The following RPS6KC1 variants were observed in gnomAD, a reference collection of about 807,000 sequenced individuals.
RPS6KC1 encodes ribosomal protein S6 kinase C1, also known as inactive ribosomal protein S6 kinase delta-1.
Under a neutral mutation model 103.8 loss-of-function variants are expected in RPS6KC1, and 54 were observed. The ratio of observed to expected loss-of-function variants is 0.52; its 90% confidence interval spans 0.42 to 0.65. The LOEUF (loss-of-function observed/expected upper bound fraction) is 0.65. RPS6KC1 is among the 30% of genes least tolerant of loss of function. The pLI is 0.00. For missense variants in RPS6KC1, 1,151 were observed against 1,253.8 expected (o/e 0.92, Z 1.24); for synonymous variants, 439 against 438.7 (o/e 1.00, Z -0.01).
chr1:213,402,717 A>T, the RPS6KC1 span, among the ~76,000 whole-genome samples: 3 of 152,132 alleles, frequency 2.0e-5, no homozygotes, highest in East Asian at 5.8e-4. Context: ...GAATGGATTG[A>T]TTCAATGGGT....
At chr1:213,431,013 G>T in the RPS6KC1 span, among the ~76,000 whole-genome samples, 9 of 152,202 alleles carry the variant, frequency 5.9e-5, no homozygotes, top group Non-Finnish European at 1.2e-4. Context: ...AAATGGGTTG[G>T]GGGTGGGGGA....
chr1:213,431,944 C>T, the RPS6KC1 span, among the ~76,000 whole-genome samples: 1 of 152,080 alleles, frequency 6.6e-6, no homozygotes, highest in African/African-American at 2.4e-5. Context: ...ATTCCAGCTG[C>T]TCCACACCCT....
the RPS6KC1 span, among the ~76,000 whole-genome samples, chr1:213,668,416 C>T: frequency 7.0e-6 from 1 of 143,512 alleles, no homozygotes; most frequent in Admixed American, 7.0e-5. Flanking sequence ...CCCCCACCCC[C>T]ACCCCGAGGA....
the RPS6KC1 span, among the ~76,000 whole-genome samples, chr1:213,357,896 C>T: frequency 6.6e-6 from 1 of 152,078 alleles, no homozygotes; most frequent in East Asian, 1.9e-4. Context: ...GAGGTGGTAC[C>T]GCTTGGCATG....
the RPS6KC1 span, among the ~76,000 whole-genome samples, chr1:213,800,130 G>A: frequency 1.3e-5 from 2 of 152,164 alleles, no homozygotes; most frequent in South Asian, 2.1e-4. Context: ...CACATAGGGG[G>A]TTAGGGTTTC....
chr1:213,094,388 C>CT (rs548484572), intron 3 of RPS6KC1, among the ~76,000 whole-genome samples: 2,298 of 145,444 alleles, frequency 0.016, 66 homozygotes, highest in East Asian at 0.078. Flanking sequence ...TCCTTTTTAG[C>CT]TTTTTTTTTT....
chr1:213,140,801 G>A (rs776047412), intron 6 of RPS6KC1, among the ~76,000 whole-genome samples: 4 of 149,162 alleles, frequency 2.7e-5, no homozygotes, highest in Admixed American at 6.7e-5. Flanking sequence ...AAATGTTTTG[G>A]TATCAGAATT....
the RPS6KC1 span, among the ~76,000 whole-genome samples, chr1:213,543,339 A>G: frequency 1.3e-5 from 2 of 152,296 alleles, no homozygotes; most frequent in East Asian, 3.9e-4. Flanking sequence ...TGCTAAACAA[A>G]GGTAGAGGCA....
At chr1:213,599,523 G>T in the RPS6KC1 span, among the ~76,000 whole-genome samples, 1 of 152,188 alleles carries the variant, frequency 6.6e-6, no homozygotes, top group Admixed American at 6.5e-5. Flanking sequence ...TCCAAACAGT[G>T]GGGGGAAAAT....
chr1:213,111,439 C>T (rs1316471849), intron 4 of RPS6KC1, among the ~76,000 whole-genome samples: 3 of 152,136 alleles, frequency 2.0e-5, no homozygotes, highest in African/African-American at 7.2e-5. Context: ...CTACATCCCT[C>T]TAGTTCCTGT....
rs138527600 is a variant in RPS6KC1, at chr1:213,139,894, T to C, written c.835+10005T>C. On this transcript the variant is annotated intron_variant, in intron 6 of 14. Transcript: ENST00000366960. Reference sequence around the variant, plus strand: ...TTCTGTGAAAAAATGTCATTAATAGTTTGATAGGAATAGCATTGAATCTGT... The same window carrying C: ...TTCTGTGAAAAAATGTCATTAATAGCTTGATAGGAATAGCATTGAATCTGT... Among the ~76,000 whole-genome samples, 497 of 152,210 alleles carry C rather than the reference T, an allele frequency of 3.3e-3. 6 individuals carry two copies. Among genetic ancestry groups the C allele is most frequent in the African/African-American group, 0.011 (472 of 41,558 alleles).
chr1:213,243,224 C>T (rs2094394544), intron 12 of RPS6KC1, among the ~76,000 whole-genome samples: 2 of 152,072 alleles, frequency 1.3e-5, no homozygotes, highest in African/African-American at 4.8e-5. Context: ...TGGTCTAGAA[C>T]TCCTGGGCTC....
At chr1:213,607,728 A>ACACACAC in the RPS6KC1 span, among the ~76,000 whole-genome samples, 4 of 86,830 alleles carry the variant, frequency 4.6e-5, no homozygotes, top group Non-Finnish European at 2.7e-5. Flanking sequence ...CACACACACA[A>ACACACAC]AATAAATAAA....
chr1:213,137,799 A>ATATATATATAT (rs1572765998), intron 6 of RPS6KC1, among the ~76,000 whole-genome samples: 1 of 13,996 alleles, frequency 7.1e-5, no homozygotes, highest in Non-Finnish European at 1.6e-4. Context: ...ATATATATAT[A>ATATATATATAT]TTTTTTTTTT....
At chr1:213,811,684 A>G in the RPS6KC1 span, among the ~76,000 whole-genome samples, 1 of 152,234 alleles carries the variant, frequency 6.6e-6, no homozygotes. Context: ...TTCTGGAGAC[A>G]GGAAAGTTCC....
At chr1:213,725,865 T>TC in the RPS6KC1 span, among the ~76,000 whole-genome samples, 1 of 152,242 alleles carries the variant, frequency 6.6e-6, no homozygotes, top group Non-Finnish European at 1.5e-5. Context: ...TGAACACTAA[T>TC]CCCTTGCTGA....
chr1:213,188,213 TG>T (rs1396310535), intron 8 of RPS6KC1, among the ~76,000 whole-genome samples: 1 of 152,012 alleles, frequency 6.6e-6, no homozygotes, highest in Non-Finnish European at 1.5e-5. Flanking sequence ...TGGATTAAGG[TG>T]GGGACAAGTC....
the RPS6KC1 span, among the ~76,000 whole-genome samples, chr1:213,665,092 C>T: frequency 6.6e-6 from 1 of 151,788 alleles, no homozygotes; most frequent in Admixed American, 6.6e-5. Context: ...TTTACAGATA[C>T]ACAATACATT....
chr1:213,062,770 T>A (rs1374353312), intron 1 of RPS6KC1, among the ~76,000 whole-genome samples: 3 of 152,172 alleles, frequency 2.0e-5, no homozygotes, highest in African/African-American at 7.2e-5. Flanking sequence ...TTGGCCAGGA[T>A]GGTCTCATTC....
Sources: gnomAD v4.1 joint callset for allele counts (sites outside exome capture counted in the v4.1 genomes callset) on GRCh38, gnomAD v4.1.1 for gene constraint, MANE v1.5 for transcripts, NCBI Gene and HGNC (gene_info 2026-07-23, HGNC 2026-07-21) for gene names.